KCNK18: variants seen among roughly 807,000 people sequenced by gnomAD.
KCNK18 encodes the protein potassium channel subfamily K member 18.
A neutral mutation model predicts 11.8 loss-of-function variants in KCNK18; 8 were observed. The observed-to-expected ratio is 0.68, with a 90% CI of 0.40 to 1.22. KCNK18 has a LOEUF of 1.22. Among genes scored for constraint, KCNK18 ranks in the 50% most tolerant of loss-of-function variants. The pLI, the probability that KCNK18 is intolerant of heterozygous loss-of-function variation, is 0.01. For synonymous variants in KCNK18, 208 were observed against 185.8 expected, an observed-to-expected ratio of 1.12 and a Z score of -0.97; for missense variants, 442 against 465.4, an observed-to-expected ratio of 0.95 and a Z score of 0.46.
At chr10:117,203,102 C>T (rs758143957) in intron 2 of KCNK18, among the ~76,000 whole-genome samples, 7 of 151,990 alleles carry the variant, frequency 4.6e-5, no homozygotes, top group Non-Finnish European at 8.8e-5. Flanking sequence ...GTCTTGAACT[C>T]CTGACCTCAG....
intron 1 of KCNK18, among the ~76,000 whole-genome samples, chr10:117,199,043 C>T (rs1854983301): frequency 6.6e-6 from 1 of 152,212 alleles, no homozygotes; most frequent in East Asian, 1.9e-4. Context: ...TAAGGCCAAG[C>T]ATGGTGGCTC....
At chr10:117,198,336 C>T (rs564641059) in intron 1 of KCNK18, among the ~76,000 whole-genome samples, 2 of 152,206 alleles carry the variant, frequency 1.3e-5, no homozygotes, top group East Asian at 3.9e-4. Context: ...TCCCAGCTTG[C>T]TCTGCAATCC....
At chr10:117,208,330 T>C (rs1400891948) in intron 2 of KCNK18, among the ~76,000 whole-genome samples, 1 of 152,184 alleles carries the variant, frequency 6.6e-6, no homozygotes, top group Non-Finnish European at 1.5e-5. Flanking sequence ...GCTAAGGTCT[T>C]GAGGGTGAGG....
At position 117,210,197 on chromosome 10, in the gene KCNK18, G is replaced by T; in HGVS notation, c.1053G>T (p.Val351=). Residue 351 remains valine, a synonymous_variant, in exon 3 of 3, where the codon GTG becomes GTT. Transcript: ENST00000334549. ...SIYIIVGMEI[V]FIAFKLVQNR... The stretch of plus-strand genomic sequence containing the variant: ...ATATCATCGTTGGAATGGAGATTGT[G>T]TTCATTGCTTTCAAGTTGGTGCAAA... 6.2e-7 allele frequency: 1 copy of T among 1,614,096 alleles called. No homozygotes were observed. The highest frequency in any genetic ancestry group is 1.7e-5 in the Admixed American group (1 of 60,024).
intron 2 of KCNK18, among the ~76,000 whole-genome samples, chr10:117,207,403 T>C (rs1855089636): frequency 6.6e-6 from 1 of 152,208 alleles, no homozygotes; most frequent in Non-Finnish European, 1.5e-5. Context: ...TCTCCATTTG[T>C]AATTACATAC....
chr10:117,201,146 T>C lies in KCNK18; in HGVS notation c.224-13T>C. On this transcript the variant is annotated splice_polypyrimidine_tract_variant and intron_variant, in intron 1 of 2. Coordinates refer to ENST00000334549, the MANE Select transcript of KCNK18 (RefSeq NM_181840.1). ...AACCTTTTCCTCAAACTCTTGGTCA[T>C]GTCTTTCTCCAGTGGTGGAAGACAG... is the stretch of plus-strand genomic sequence containing the variant. The C allele has an allele frequency of 1.9e-6, 3 of 1,614,154 alleles. No individual in the cohort carries two copies. Among genetic ancestry groups the C allele is most frequent in the Non-Finnish European group, 2.5e-6 (3 of 1,180,030 alleles).
At chr10:117,203,751 G>A (rs1855043586) in intron 2 of KCNK18, among the ~76,000 whole-genome samples, 1 of 152,154 alleles carries the variant, frequency 6.6e-6, no homozygotes, top group African/African-American at 2.4e-5. Flanking sequence ...TGGTCAGTGT[G>A]GTCTTGAACT....
chr10:117,208,127 A>C (rs1855096658), intron 2 of KCNK18, among the ~76,000 whole-genome samples: 1 of 152,102 alleles, frequency 6.6e-6, no homozygotes, highest in Non-Finnish European at 1.5e-5. Context: ...GATGCTCCTG[A>C]GGGTGACAGC....
intron 2 of KCNK18, among the ~76,000 whole-genome samples, chr10:117,206,053 T>TA (rs899626194): frequency 3.3e-5 from 5 of 149,742 alleles, no homozygotes; most frequent in African/African-American, 4.9e-5. Context: ...GATCTCATCT[T>TA]AAAAAAAAAA....
intron 2 of KCNK18, among the ~76,000 whole-genome samples, chr10:117,203,978 C>T (rs1855046138): frequency 6.6e-6 from 1 of 152,180 alleles, no homozygotes. Flanking sequence ...CCATGCCTAG[C>T]CTCCTCAAGA....
Position 117,210,033 on chromosome 10 carries a change from G to A in KCNK18, c.889G>A (p.Ala297Thr). ...ALIVFAYISCAAAILPFWETQ... is the reference protein window; with the variant it reads ...ALIVFAYISCTAAILPFWETQ... ...TATTGTTTTTGCCTACATTTCCTGT[G>A]CAGCTGCCATCCTCCCCTTCTGGGA... The change falls in exon 3 of 3, where the codon GCA (alanine) becomes ACA (threonine). Residue 297 changes from alanine to threonine, a missense_variant. Physicochemically the swap from Ala to Thr is moderately conservative, Grantham distance 58. Transcript: ENST00000334549. 5 of 1,614,158 alleles carry A rather than the reference G, an allele frequency of 3.1e-6. No individual in the cohort carries two copies. The highest frequency in any genetic ancestry group is 3.4e-6 in the Non-Finnish European group (4 of 1,180,028).
chr10:117,197,978 T>G (rs368965717), intron 1 of KCNK18, among the ~76,000 whole-genome samples: 2 of 152,256 alleles, frequency 1.3e-5, no homozygotes. Context: ...CCAGCTCCCC[T>G]TCCTGTGCCT....
rs1354438721 is a variant in KCNK18 at position 117,201,372 on chromosome 10, G to A, written c.352+85G>A. ...GCAAAGGACACTGGAATTGGGGTGT[G>A]GAGATGGCCCTCCTCTCCCTCTCTT... On this transcript the variant is annotated intron_variant, in intron 2 of 2. Transcript: ENST00000334549. 2.1e-6 allele frequency: 3 copies of A among 1,417,562 alleles called. No individual in the cohort carries two copies. The African/African-American group carries it at 4.2e-5, about 20-fold the overall frequency. The allele number at this position is 1,417,562 out of a possible 1,614,324, so 87.8% of individuals were successfully genotyped here.
intron 2 of KCNK18, among the ~76,000 whole-genome samples, chr10:117,204,155 A>G (rs1855048351): frequency 6.6e-6 from 1 of 151,544 alleles, no homozygotes; most frequent in African/African-American, 2.4e-5. Flanking sequence ...CCTGCTACTC[A>G]GGAGGCTGAG....
At chr10:117,197,747 C>G (rs1488706229) in intron 1 of KCNK18, 36 bp downstream of exon 1, 4 of 1,580,138 alleles carry the variant, frequency 2.5e-6, no homozygotes, top group Non-Finnish European at 3.5e-6. Context: ...GGCCTTTTCT[C>G]CGTGGTGGCA....
At chr10:117,209,044 G>T (rs1855109646) in intron 2 of KCNK18, among the ~76,000 whole-genome samples, 1 of 152,122 alleles carries the variant, frequency 6.6e-6, no homozygotes, top group South Asian at 2.1e-4. Flanking sequence ...CCCAGCCAAG[G>T]GTGGCTTCTT....
intron 2 of KCNK18, among the ~76,000 whole-genome samples, chr10:117,204,439 A>G (rs1855053157): frequency 6.6e-6 from 1 of 152,122 alleles, no homozygotes; most frequent in Non-Finnish European, 1.5e-5. Flanking sequence ...CAGATGCAAT[A>G]GCACTTTCCC....
At chr10:117,199,579 C>A (rs375510255) in intron 1 of KCNK18, among the ~76,000 whole-genome samples, 1 of 152,200 alleles carries the variant, frequency 6.6e-6, no homozygotes, top group Non-Finnish European at 1.5e-5. Flanking sequence ...GGAGGTTAAG[C>A]AATTTGTCCA....
intron 1 of KCNK18, among the ~76,000 whole-genome samples, chr10:117,198,174 T>C (rs989926890): frequency 6.6e-6 from 1 of 152,124 alleles, no homozygotes; most frequent in Non-Finnish European, 1.5e-5. Context: ...ACAACCCAAA[T>C]TGGATTTAAA....
Sources: gnomAD v4.1 joint callset for allele counts (sites outside exome capture counted in the v4.1 genomes callset) on GRCh38, gnomAD v4.1.1 for gene constraint, MANE v1.5 for transcripts, NCBI Gene and HGNC (gene_info 2026-07-23, HGNC 2026-07-21) for gene names.